The following PPP1R36 variants were observed in gnomAD, a reference collection of about 807,000 sequenced individuals.
PPP1R36 encodes the protein protein phosphatase 1 regulatory subunit 36, also known as chromosome 14 open reading frame 50.
A neutral mutation model predicts 53.4 loss-of-function variants in PPP1R36; 47 were observed. The observed-to-expected ratio is 0.88, with a 90% CI of 0.70 to 1.12. PPP1R36 has a LOEUF of 1.12. Ranked by LOEUF, PPP1R36 falls within the 50% of genes most tolerant of loss-of-function variation. The pLI is 0.00. For missense variants in PPP1R36, 456 were observed against 513.9 expected, an observed-to-expected ratio of 0.89 and a Z score of 1.09; for synonymous variants, 153 against 170.5, an observed-to-expected ratio of 0.90 and a Z score of 0.80.
intron 2 of PPP1R36, 122 bp downstream of exon 2, chr14:64,551,107 C>A: frequency 1.6e-6 from 1 of 645,094 alleles, no homozygotes; most frequent in Non-Finnish European, 2.6e-6. Context: ...TGGAAGGAAA[C>A]AATCATTTCA....
chr14:64,563,020 C>T (rs1437720740), intron 3 of PPP1R36, among the ~76,000 whole-genome samples: 1 of 152,068 alleles, frequency 6.6e-6, no homozygotes, highest in African/African-American at 2.4e-5. Context: ...GCATGGGCCA[C>T]CACGCCTGGC....
At position 64,549,963 on chromosome 14, in the gene PPP1R36, C is replaced by A. The variant is rs956694235; in HGVS notation, c.-35C>A. The A allele has an allele frequency of 1.6e-5, 25 of 1,540,248 alleles. No individual in the cohort carries two copies. In the South Asian group the frequency reaches 2.0e-4, roughly 13 times the overall value. On this transcript the variant is annotated 5_prime_UTR_variant, in exon 1 of 12. Transcript: ENST00000298705. ...GTGTGCAGGCGCCTGCGGGCGGTAT[C>A]CTCGGCGACGCCGTATGGCTTCCAG...
intron 8 of PPP1R36, among the ~76,000 whole-genome samples, chr14:64,583,727 TCGTTTGAACC>T (rs1021653937): frequency 1.7e-4 from 24 of 144,600 alleles, no homozygotes; most frequent in African/African-American, 6.2e-4. Flanking sequence ...GGCAGGAGAA[TCGTTTGAACC>T]CGGGAGGCAG....
At chr14:64,582,933 C>G (rs1190819354) in intron 8 of PPP1R36, among the ~76,000 whole-genome samples, 1 of 149,384 alleles carries the variant, frequency 6.7e-6, no homozygotes, top group African/African-American at 2.5e-5. Context: ...ACTTTGCCAC[C>G]CAGGCTAGAG....
At chr14:64,568,958 T>C (rs761340901) in intron 7 of PPP1R36, among the ~76,000 whole-genome samples, 4 of 152,092 alleles carry the variant, frequency 2.6e-5, no homozygotes, top group African/African-American at 4.8e-5. Flanking sequence ...GGTGCAGATA[T>C]AGTTGTTGTT....
chr14:64,561,320 C>A (rs1358096864), intron 3 of PPP1R36, among the ~76,000 whole-genome samples: 5 of 152,152 alleles, frequency 3.3e-5, no homozygotes, highest in Admixed American at 6.5e-5. Flanking sequence ...GAAATCTTAC[C>A]CTCAGAGACA....
In PPP1R36 at chr14:64,565,418, G is replaced by A. The variant is rs545427402; in HGVS notation, c.331G>A (p.Gly111Ser). ...GTCAGCTAAAGCTGTAGAGAAACGA[G>A]GTCAACAGGGCACCATTACACTGGA... ...DKSAKAVEKR[G>S]QQGTITLDDV... The change falls in exon 5 of 12, where the codon GGT (glycine) becomes AGT (serine). Residue 111 changes from glycine (G) to serine (S), a missense_variant. By Grantham distance (56) the Gly-to-Ser change is moderately conservative. Coordinates refer to ENST00000298705, the MANE Select transcript of PPP1R36 (RefSeq NM_172365.3). 25 of 1,613,336 alleles carry A rather than the reference G, an allele frequency of 1.5e-5. No homozygotes were observed. The highest frequency in any genetic ancestry group is 2.1e-5 in the Non-Finnish European group (25 of 1,179,528).
rs999029027 is a variant in PPP1R36 at position 64,560,390 on chromosome 14, A to G, written c.183-4361A>G. On this transcript the variant is annotated intron_variant, in intron 3 of 11. Transcript: ENST00000298705. The stretch of plus-strand genomic sequence containing the variant: ...CCTTGAGGTAGAGGCTGTAGTGACC[A>G]TGATGGCACCACTGCACTCCAGCCT... 6.7e-5 allele frequency among the ~76,000 whole-genome samples: 10 copies of G among 150,202 alleles called. No homozygotes were observed. In the South Asian group the frequency reaches 1.3e-3, roughly 19 times the overall value.
At chr14:64,583,652 TA>T (rs1450502173) in intron 8 of PPP1R36, among the ~76,000 whole-genome samples, 1 of 151,748 alleles carries the variant, frequency 6.6e-6, no homozygotes, top group Non-Finnish European at 1.5e-5. Flanking sequence ...CCATCTCTAC[TA>T]AAAATACAAA....
At chr14:64,577,718 C>CTTTTTTTTTTTTTTTT (rs10667127) in intron 8 of PPP1R36, among the ~76,000 whole-genome samples, 1 of 94,448 alleles carries the variant, frequency 1.1e-5, no homozygotes, top group African/African-American at 4.5e-5. Flanking sequence ...GCCATGATTA[C>CTTTTTTTTTTTTTTTT]TTTTTTTTTT....
At chr14:64,574,177 T>TTAGCC (rs2140238815) in intron 7 of PPP1R36, among the ~76,000 whole-genome samples, 1 of 152,036 alleles carries the variant, frequency 6.6e-6, no homozygotes, top group South Asian at 2.1e-4. Context: ...GAGTTCAAGA[T>TTAGCC]TAGCCTGGAC....
intron 3 of PPP1R36, among the ~76,000 whole-genome samples, chr14:64,556,497 C>T (rs10142536): frequency 0.26 from 39,745 of 151,744 alleles, 5,304 homozygotes; most frequent in Non-Finnish European, 0.3. Flanking sequence ...TGTGGTGGCT[C>T]ACACCTGCGA....
At chr14:64,571,149 G>A (rs61987035) in intron 7 of PPP1R36, among the ~76,000 whole-genome samples, 4 of 148,202 alleles carry the variant, frequency 2.7e-5, no homozygotes, top group Non-Finnish European at 5.9e-5. Context: ...TGTTTGAAAC[G>A]GAGTCTTGCT....
chr14:64,565,506 C>A, intron 5 of PPP1R36, 52 bp downstream of exon 5: 1 of 1,428,472 alleles, frequency 7.0e-7, no homozygotes, highest in South Asian at 1.2e-5. Context: ...TACATACATA[C>A]ACATATCCAT....
At chr14:64,550,234 A>C (rs2080083710) in intron 1 of PPP1R36, 168 bp downstream of exon 1, 1 of 1,399,828 alleles carries the variant, frequency 7.1e-7, no homozygotes, top group African/African-American at 1.5e-5. Flanking sequence ...AAAAAAAAAA[A>C]ACTCTGGTGT....
intron 8 of PPP1R36, among the ~76,000 whole-genome samples, chr14:64,584,056 C>T (rs895408783): frequency 6.6e-6 from 1 of 151,750 alleles, no homozygotes; most frequent in Non-Finnish European, 1.5e-5. Flanking sequence ...CACCTGCCAC[C>T]ACGCCCGGCT....
At chr14:64,554,261 C>G (rs571216781) in intron 3 of PPP1R36, among the ~76,000 whole-genome samples, 82 of 145,018 alleles carry the variant, frequency 5.7e-4, no homozygotes, top group Middle Eastern at 3.7e-3. Flanking sequence ...AAGCGATTCT[C>G]TTGCCTCAGC....
At chr14:64,579,245 A>G (rs888167679) in intron 8 of PPP1R36, among the ~76,000 whole-genome samples, 1 of 152,186 alleles carries the variant, frequency 6.6e-6, no homozygotes, top group African/African-American at 2.4e-5. Flanking sequence ...AAACCTTCAC[A>G]TGTACCCCCA....
At position 64,588,037 on chromosome 14, in the gene PPP1R36, C is replaced by A; in HGVS notation, c.891-67C>A. 2.7e-6 allele frequency: 4 copies of A among 1,455,762 alleles called. No individual in the cohort carries two copies. In the African/African-American group the frequency reaches 4.2e-5, roughly 15 times the overall value. 90.2% of individuals were successfully genotyped at this position (1,455,762 alleles called of 1,614,324 possible). A position where few individuals can be genotyped will look rare whatever the true frequency, so the allele number is the denominator to read the frequency against. ...GGGATTACAGGCATGAGCCACTGCA[C>A]CTGGCCTCAAGAACATTTCTAGAAA... On this transcript the variant is annotated intron_variant, in intron 10 of 11. Transcript: ENST00000298705.
Sources: allele counts gnomAD v4.1 joint callset (sites outside exome capture counted in the v4.1 genomes callset), GRCh38; gene constraint gnomAD v4.1.1; transcripts MANE v1.5; gene names NCBI Gene and HGNC (gene_info 2026-07-23, HGNC 2026-07-21).